SIPA1L2: variants seen among roughly 807,000 people sequenced by gnomAD.
SIPA1L2 encodes signal-induced proliferation-associated 1-like protein 2.
SIPA1L2 carries 56 observed loss-of-function variants against 163.9 expected under a neutral mutation model. That is an observed-to-expected ratio of 0.34 (90% CI 0.28 to 0.43). The LOEUF (loss-of-function observed/expected upper bound fraction) is 0.43. Ranked by LOEUF, SIPA1L2 falls within the 20% of genes least tolerant of loss-of-function variation. SIPA1L2 has a pLI of 1.00. For missense variants in SIPA1L2, 1,974 were observed against 2,193.5 expected (o/e 0.90, Z 2.00); for synonymous variants, 877 against 865.7 (o/e 1.01, Z -0.23).
intron 3 of SIPA1L2, among the ~76,000 whole-genome samples, chr1:232,498,157 G>C (rs12403701): frequency 0.24 from 36,554 of 152,046 alleles, 4,555 homozygotes; most frequent in Admixed American, 0.34. Context: ...TGACAGGTGC[G>C]TAATAAACTG....
At chr1:232,594,341 T>C (rs1468112356) in intron 1 of SIPA1L2, among the ~76,000 whole-genome samples, 1 of 152,080 alleles carries the variant, frequency 6.6e-6, no homozygotes, top group Non-Finnish European at 1.5e-5. Flanking sequence ...AATCAACAGC[T>C]GGTGCTAAGG....
intron 2 of SIPA1L2, among the ~76,000 whole-genome samples, chr1:232,567,220 T>C (rs1038473450): frequency 6.6e-6 from 1 of 151,990 alleles, no homozygotes. Context: ...AAAGGTTAAA[T>C]GAAAAAGGTA....
chr1:232,584,692 T>G (rs542905291), intron 1 of SIPA1L2, among the ~76,000 whole-genome samples: 123 of 152,334 alleles, frequency 8.1e-4, no homozygotes, highest in Non-Finnish European at 1.2e-3. Context: ...AGTTTTCCCT[T>G]GGCCCCTACA....
chr1:232,409,294 T>C (rs1660816019), intron 19 of SIPA1L2, among the ~76,000 whole-genome samples: 1 of 152,246 alleles, frequency 6.6e-6, no homozygotes, highest in African/African-American at 2.4e-5. Context: ...ATTAAGACTT[T>C]TCAGATATTA....
chr1:232,465,535 TATAC>T lies in SIPA1L2; in HGVS notation c.2244-123_2244-120del. 1.3e-6 allele frequency: 1 copy of T among 795,488 alleles called. No individual in the cohort carries two copies. Among genetic ancestry groups the T allele is most frequent in the Non-Finnish European group, 2.0e-6 (1 of 506,858 alleles). 49.3% of individuals were successfully genotyped at this position (795,488 alleles called of 1,614,324 possible). A position where few individuals can be genotyped will look rare whatever the true frequency, so the allele number is the denominator to read the frequency against. ...ATATACATACACACACACACACACA[TATAC>T]ATACACACATACACACACACTTTCA... On this transcript the variant is annotated intron_variant, in intron 8 of 22. Transcript: ENST00000674635. The surrounding 1 kb of genome is among the most constrained non-coding windows in gnomAD (Gnocchi z 4.1).
intron 1 of SIPA1L2, among the ~76,000 whole-genome samples, chr1:232,574,488 A>G (rs1233152020): frequency 1.3e-5 from 2 of 152,218 alleles, no homozygotes; most frequent in Non-Finnish European, 2.9e-5. Flanking sequence ...GCCACACATT[A>G]ATGAAATTTG....
Position 232,577,089 on chromosome 1 carries a change from A to G in SIPA1L2, c.-318-2867T>C, listed in dbSNP as rs918752508. ...ATGCCTGGATTCAAAGCTTTAAAGG[A>G]CAGGCTAATTCTCTTGTTAGCAGTT... On this transcript the variant is annotated intron_variant, in intron 1 of 22. Transcript: ENST00000674635. 5.9e-5 allele frequency among the ~76,000 whole-genome samples: 9 copies of G among 152,042 alleles called. 1 individual carries two copies. The South Asian group carries it at 1.9e-3, about 32-fold the overall frequency.
chr1:232,577,100 CT>C (rs1429212774), intron 1 of SIPA1L2, among the ~76,000 whole-genome samples: 1 of 152,026 alleles, frequency 6.6e-6, no homozygotes, highest in East Asian at 1.9e-4. Context: ...CAGGCTAATT[CT>C]CTTGTTAGCA....
At chr1:232,403,618 G>T in intron 20 of SIPA1L2, 47 bp from the exon 21 acceptor site, 1 of 1,553,068 alleles carries the variant, frequency 6.4e-7, no homozygotes, top group Non-Finnish European at 8.7e-7. Context: ...AGTAATCAAT[G>T]CAAGGCAATG....
At chr1:232,443,491 T>C (rs1253958223) in intron 12 of SIPA1L2, 111 bp downstream of exon 12, 2 of 748,960 alleles carry the variant, frequency 2.7e-6, no homozygotes, top group African/African-American at 1.8e-5. Flanking sequence ...TCTGGCATTA[T>C]TATATTCCCC....
intron 18 of SIPA1L2, among the ~76,000 whole-genome samples, chr1:232,419,331 T>C (rs772321113): frequency 6.6e-6 from 1 of 152,248 alleles, no homozygotes; most frequent in Non-Finnish European, 1.5e-5. Context: ...TTCTTTTCCA[T>C]TGATTAGAAT....
At chr1:232,526,807 G>A (rs544238188) in intron 2 of SIPA1L2, among the ~76,000 whole-genome samples, 2 of 152,282 alleles carry the variant, frequency 1.3e-5, no homozygotes, top group East Asian at 3.9e-4. Flanking sequence ...AGGGAGGCCA[G>A]GGCTGTGGAT....
In SIPA1L2 at chr1:232,490,949, C is replaced by T. The variant is rs767949236; in HGVS notation, c.1731G>A (p.Leu577=). The part of the protein sequence containing the change: ...KEVLEYVIPE[L]SIQCLRQASN... ...AAGCCTGTCGCAAACACTGAATGCT[C>T]AGCTCTGGAATGACGTATTCCAAAA... is the stretch of plus-strand genomic sequence containing the variant. The change falls in exon 5 of 23, where the codon CTG becomes CTA. Residue 577 remains leucine, a synonymous_variant. Coordinates refer to ENST00000674635, the MANE Select transcript of SIPA1L2 (RefSeq NM_020808.5). 1.9e-6 allele frequency: 3 copies of T among 1,614,084 alleles called. No homozygotes were observed. In the Admixed American group the frequency reaches 5.0e-5, roughly 27 times the overall value.
intron 3 of SIPA1L2, among the ~76,000 whole-genome samples, chr1:232,510,641 C>G (rs376448697): frequency 1.3e-5 from 2 of 152,292 alleles, no homozygotes; most frequent in South Asian, 4.1e-4. Context: ...GTCTTTAAAA[C>G]TACCAAGAAG....
chr1:232,417,962 T>C (rs1661355287), intron 18 of SIPA1L2, among the ~76,000 whole-genome samples: 1 of 152,174 alleles, frequency 6.6e-6, no homozygotes, highest in African/African-American at 2.4e-5. Flanking sequence ...AGGGGAAGCA[T>C]CAGGGAGCGG....
intron 2 of SIPA1L2, among the ~76,000 whole-genome samples, chr1:232,520,626 G>C (rs1219518642): frequency 6.6e-6 from 1 of 151,980 alleles, no homozygotes; most frequent in East Asian, 1.9e-4. Flanking sequence ...CCCCATTCAA[G>C]GGAAAAAATG....
chr1:232,439,876 C>A (rs1223111291), intron 14 of SIPA1L2, among the ~76,000 whole-genome samples: 2 of 152,158 alleles, frequency 1.3e-5, no homozygotes, highest in African/African-American at 4.8e-5. Flanking sequence ...TGCTTCATGA[C>A]AAATTATAGT....
chr1:232,530,978 A>G (rs750698390), intron 2 of SIPA1L2, among the ~76,000 whole-genome samples: 3 of 152,344 alleles, frequency 2.0e-5, no homozygotes, highest in Middle Eastern at 3.4e-3. Flanking sequence ...GAAATCATTT[A>G]TATGAGTCCA....
At chr1:232,550,538 G>A (rs1172824403) in intron 2 of SIPA1L2, among the ~76,000 whole-genome samples, 3 of 152,162 alleles carry the variant, frequency 2.0e-5, no homozygotes, top group Non-Finnish European at 4.4e-5. Context: ...CAAATCAGAA[G>A]AACATTTGGA....
Sources: allele counts gnomAD v4.1 joint callset (sites outside exome capture counted in the v4.1 genomes callset), GRCh38; gene constraint gnomAD v4.1.1; non-coding constraint Gnocchi (gnomAD v3.1); transcripts MANE v1.5; gene names NCBI Gene and HGNC (gene_info 2026-07-23, HGNC 2026-07-21).